The following STK38L variants were observed in gnomAD, a reference collection of about 807,000 sequenced individuals.
STK38L encodes the protein serine/threonine kinase 38 like, also known as serine/threonine-protein kinase 38-like.
In STK38L, 28 loss-of-function variants were observed where a neutral mutation model predicts 59.7. The ratio of observed to expected loss-of-function variants is 0.47; its 90% CI spans 0.35 to 0.64. The LOEUF (loss-of-function observed/expected upper bound fraction) is 0.64, where lower values mean the gene tolerates loss of function less well. STK38L is among the 30% of genes least tolerant of loss of function. The pLI is 0.01. For synonymous variants in STK38L, 162 were observed against 176.8 expected (o/e 0.92, Z 0.66); for missense variants, 314 against 555.8 (o/e 0.56, Z 4.37).
intron 2 of STK38L, among the ~76,000 whole-genome samples, chr12:27,299,375 A>G (rs1944106943): frequency 6.6e-6 from 1 of 152,206 alleles, no homozygotes; most frequent in African/African-American, 2.4e-5. Flanking sequence ...CATATCTCTA[A>G]AAGTTCTGAA....
intron 1 of STK38L, among the ~76,000 whole-genome samples, chr12:27,295,053 T>G (rs968412071): frequency 3.9e-5 from 6 of 152,206 alleles, no homozygotes; most frequent in African/African-American, 1.2e-4. Flanking sequence ...GCCCAATGAT[T>G]CTGAAATTTC....
intron 1 of STK38L, among the ~76,000 whole-genome samples, chr12:27,266,592 A>G (rs1451498870): frequency 1.3e-5 from 2 of 152,150 alleles, no homozygotes; most frequent in Non-Finnish European, 1.5e-5. Context: ...GTGATTATCC[A>G]CTTAGTTCCT....
rs975008396 is a variant in STK38L, at chr12:27,315,406, GTTTTAACTTGAT to G, written c.837+58_837+69del. On this transcript the variant is annotated intron_variant, in intron 9 of 13. Coordinates refer to ENST00000389032, the MANE Select transcript of STK38L (RefSeq NM_015000.4). The stretch of plus-strand genomic sequence containing the variant: ...TGCCTTGGTTCTAAAATCTTACCTG[GTTTTAACTTGAT>G]TATTTTTATCTTTATAATAATTAGT... 2.9e-6 allele frequency: 4 copies of G among 1,356,270 alleles called. No individual in the cohort carries two copies. In the African/African-American group the frequency reaches 5.9e-5, roughly 20 times the overall value. The allele number at this position is 1,356,270 out of a possible 1,614,324, so 84.0% of individuals were successfully genotyped here. A position where few individuals can be genotyped will look rare whatever the true frequency, so the allele number is the denominator to read the frequency against.
chr12:27,259,774 T>C (rs1179297428), intron 1 of STK38L, among the ~76,000 whole-genome samples: 1 of 152,208 alleles, frequency 6.6e-6, no homozygotes, highest in Non-Finnish European at 1.5e-5. Context: ...TTGTAGCCCT[T>C]GCTGATTTTC....
intron 1 of STK38L, among the ~76,000 whole-genome samples, chr12:27,261,043 C>T (rs760221321): frequency 9.2e-5 from 14 of 152,154 alleles, no homozygotes; most frequent in Non-Finnish European, 1.9e-4. Context: ...TGTTTCCATT[C>T]CCAGCTATTG....
chr12:27,259,883 CTT>C (rs1943169055), intron 1 of STK38L, among the ~76,000 whole-genome samples: 2 of 152,120 alleles, frequency 1.3e-5, no homozygotes, highest in Non-Finnish European at 2.9e-5. Flanking sequence ...TTTTCTGTGT[CTT>C]TGAAAATCTG....
chr12:27,269,643 C>G (rs1178313387), intron 1 of STK38L, among the ~76,000 whole-genome samples: 2 of 152,044 alleles, frequency 1.3e-5, no homozygotes, highest in Non-Finnish European at 2.9e-5. Flanking sequence ...CCAGACCTTT[C>G]TATCTTTTTT....
At position 27,302,695 on chromosome 12, in the gene STK38L, C is replaced by T. The variant is rs189802601; in HGVS notation, c.186+507C>T. On this transcript the variant is annotated intron_variant, in intron 3 of 13. Transcript: ENST00000389032. ...TGCTTAATAACCCTTCACTGGCTCC[C>T]TTATCTCGGGATATGGGCAAGCTCT... is the stretch of plus-strand genomic sequence containing the variant. 4.7e-4 allele frequency among the ~76,000 whole-genome samples: 72 copies of T among 152,210 alleles called. 1 individual carries two copies. The highest frequency in any genetic ancestry group is 1.4e-3 in the African/African-American group (60 of 41,530).
rs35959780 is a variant in STK38L, at chr12:27,308,859, A to AT, written c.310-255_310-254insT. 2.9e-4 allele frequency among the ~76,000 whole-genome samples: 39 copies of AT among 135,558 alleles called. No individual in the cohort carries two copies. The highest frequency in any genetic ancestry group is 3.8e-3 in the Middle Eastern group (1 of 260). 88.9% of individuals were successfully genotyped at this position (135,558 alleles called of 152,430 possible). On this transcript the variant is annotated intron_variant, in intron 4 of 13. Transcript: ENST00000389032. This position sits in a 1 kb window ranked among gnomAD's most constrained non-coding sequence, Gnocchi z 4.5. ...ATGTGTTTGTATGTATATATAAAAA[A>AT]ATATATATAAATATAAATATATATA... is the stretch of plus-strand genomic sequence containing the variant.
chr12:27,314,588 T>C lies in STK38L; in HGVS notation c.602T>C (p.Ile201Thr). Residue 201 changes from isoleucine (I) to threonine (T), a missense_variant, in exon 7 of 14, where the codon ATA becomes ACA. Physicochemically the swap from Ile to Thr is moderately conservative, Grantham distance 89 (BLOSUM62 -1). Around this residue, in one of 3 missense-constraint regions of STK38L, gnomAD observed 192 missense variants for 316.9 expected, o/e 0.61. Transcript: ENST00000389032. ...QFYISETVLA[I>T]DAIHQLGFIH... is the part of the protein sequence containing the mutation. ...TACATTTCAGAGACTGTTCTGGCAA[T>C]AGATGCGATCCACCAGTTGGGTTTC... 1 of 1,610,550 alleles carries C rather than the reference T, an allele frequency of 6.2e-7. No homozygotes were observed. The highest frequency in any genetic ancestry group is 8.5e-7 in the Non-Finnish European group (1 of 1,178,486).
intron 1 of STK38L, among the ~76,000 whole-genome samples, chr12:27,273,031 C>T (rs1943457086): frequency 6.6e-6 from 1 of 150,994 alleles, no homozygotes; most frequent in African/African-American, 2.4e-5. Flanking sequence ...TTGATTGTGT[C>T]AGAAATACTT....
intron 1 of STK38L, among the ~76,000 whole-genome samples, chr12:27,288,842 C>T (rs898302272): frequency 8.6e-5 from 13 of 151,722 alleles, no homozygotes; most frequent in African/African-American, 3.2e-4. Flanking sequence ...CATCATCTCC[C>T]TCCCCCCTGC....
intron 1 of STK38L, among the ~76,000 whole-genome samples, chr12:27,286,922 C>A (rs560350561): frequency 2.0e-5 from 3 of 152,188 alleles, no homozygotes; most frequent in Non-Finnish European, 4.4e-5. Context: ...GTCTTTGATT[C>A]ACTAGTAAAA....
intron 1 of STK38L, among the ~76,000 whole-genome samples, chr12:27,273,846 A>G (rs1400122704): frequency 6.6e-6 from 1 of 152,270 alleles, no homozygotes; most frequent in East Asian, 1.9e-4. Flanking sequence ...AAATGAAGAT[A>G]ATATGTTTTG....
chr12:27,260,595 C>T (rs1433319595), intron 1 of STK38L, among the ~76,000 whole-genome samples: 1 of 152,146 alleles, frequency 6.6e-6, no homozygotes, highest in Non-Finnish European at 1.5e-5. Context: ...TTACTGCATA[C>T]CTCTGCTTCA....
At chr12:27,253,962 A>T (rs916439234) in intron 1 of STK38L, among the ~76,000 whole-genome samples, 2 of 152,036 alleles carry the variant, frequency 1.3e-5, no homozygotes, top group Admixed American at 6.5e-5. Flanking sequence ...TGTGCTTCTC[A>T]CTCCCAACCT....
chr12:27,276,176 A>G lies in STK38L; in HGVS notation c.-11-21534A>G, dbSNP rs569496985. 7.9e-5 allele frequency among the ~76,000 whole-genome samples: 12 copies of G among 152,328 alleles called. No homozygotes were observed. The South Asian group carries it at 1.9e-3, about 24-fold the overall frequency. Reference sequence around the variant, plus strand: ...CTCCCTGTGTGCACATCACCAACTTAAACAGTTCTCAAACCATGACCAATC... The same window carrying G: ...CTCCCTGTGTGCACATCACCAACTTGAACAGTTCTCAAACCATGACCAATC... On this transcript the variant is annotated intron_variant, in intron 1 of 13. Transcript: ENST00000389032.
intron 1 of STK38L, among the ~76,000 whole-genome samples, chr12:27,244,778 C>G (rs1942813689): frequency 6.6e-6 from 1 of 152,152 alleles, no homozygotes; most frequent in Non-Finnish European, 1.5e-5. Context: ...GTGTACCGTT[C>G]CTAAAAACTG....
chr12:27,280,797 ATT>A (rs1943637353), intron 1 of STK38L, among the ~76,000 whole-genome samples: 1 of 152,252 alleles, frequency 6.6e-6, no homozygotes, highest in Non-Finnish European at 1.5e-5. Flanking sequence ...GTCTGAAATA[ATT>A]GCATAGATTT....
Sources: allele counts gnomAD v4.1 joint callset (sites outside exome capture counted in the v4.1 genomes callset), GRCh38; gene constraint gnomAD v4.1.1; regional missense constraint gnomAD v4.1.1; non-coding constraint Gnocchi (gnomAD v3.1); transcripts MANE v1.5; gene names NCBI Gene and HGNC (gene_info 2026-07-23, HGNC 2026-07-21).